The following PSPC1 variants were observed in gnomAD, a reference collection of about 807,000 sequenced individuals.
The protein encoded by PSPC1 is paraspeckle protein 1.
PSPC1 carries 14 observed loss-of-function variants against 51.6 expected under a neutral mutation model. The ratio of observed to expected loss-of-function variants is 0.27; its 90% CI spans 0.18 to 0.42. PSPC1 has a LOEUF of 0.42. Among genes scored for constraint, PSPC1 ranks in the 10% least tolerant of loss-of-function variants. The pLI, the probability that PSPC1 is intolerant of heterozygous loss-of-function variation, is 1.00. For missense variants in PSPC1, 406 were observed against 701.1 expected (o/e 0.58, Z 4.75); for synonymous variants, 193 against 231.9 (o/e 0.83, Z 1.53).
intron 2 of PSPC1, among the ~76,000 whole-genome samples, chr13:19,764,014 A>G (rs898708743): frequency 6.6e-6 from 1 of 152,092 alleles, no homozygotes; most frequent in African/African-American, 2.4e-5. Flanking sequence ...GAAAAAAAGA[A>G]ACTGAAGGTT....
chr13:19,695,289 G>A (rs929263032), intron 6 of PSPC1, among the ~76,000 whole-genome samples: 1 of 152,100 alleles, frequency 6.6e-6, no homozygotes, highest in East Asian at 1.9e-4. Flanking sequence ...TGACTTTAAG[G>A]CCTGTAGCAC....
rs1431861330 is a variant in PSPC1 at position 19,723,571 on chromosome 13, A to T, written c.1158+6668T>A. Among the ~76,000 whole-genome samples, 16 of 152,334 alleles carry T rather than the reference A, an allele frequency of 1.1e-4. No individual in the cohort carries two copies. In the East Asian group the frequency reaches 2.9e-3, roughly 28 times the overall value. ...TCTACGGTTTCCCACACATCATTAG[A>T]TATTATTGAAACTATTAAATAATCT... On this transcript the variant is annotated intron_variant, in intron 6 of 8. Transcript: ENST00000338910.
intron 6 of PSPC1, among the ~76,000 whole-genome samples, chr13:19,724,597 G>C (rs1883137795): frequency 6.7e-6 from 1 of 149,134 alleles, no homozygotes; most frequent in South Asian, 2.1e-4. Context: ...GCTCACACCT[G>C]TAATCCCAAC....
intron 6 of PSPC1, among the ~76,000 whole-genome samples, chr13:19,697,212 T>C (rs1051347836): frequency 4.6e-5 from 7 of 152,108 alleles, no homozygotes; most frequent in Non-Finnish European, 7.4e-5. Flanking sequence ...TTACTAGAAA[T>C]GAACGTTCTT....
intron 1 of PSPC1, among the ~76,000 whole-genome samples, chr13:19,781,439 A>G (rs1480518154): frequency 6.6e-6 from 1 of 152,166 alleles, no homozygotes; most frequent in Admixed American, 6.5e-5. Flanking sequence ...CAAAGTTTAG[A>G]TTAAAAGAGA....
At chr13:19,720,144 A>T (rs1190194304) in intron 6 of PSPC1, among the ~76,000 whole-genome samples, 1 of 152,220 alleles carries the variant, frequency 6.6e-6, no homozygotes, top group Non-Finnish European at 1.5e-5. Context: ...TCCTAAAAAA[A>T]ACAATGAGCA....
In PSPC1 at chr13:19,691,377, T is replaced by A. The variant is rs189550713; in HGVS notation, c.1159-13554A>T. On this transcript the variant is annotated intron_variant and NMD_transcript_variant, in intron 6 of 7. Transcript: ENST00000471658. ...GACCCTGTTTCTATAACTTTTTTTT[T>A]AAAAAGTAGCTAGGCATGGTGGCAT... Among the ~76,000 whole-genome samples, 1,066 of 151,782 alleles carry A rather than the reference T, an allele frequency of 7.0e-3. 4 individuals are homozygous for A. The highest frequency in any genetic ancestry group is 0.01 in the Middle Eastern group (3 of 294).
At position 19,772,593 on chromosome 13, in the gene PSPC1, T is replaced by C. The variant is rs1417272323; in HGVS notation, c.373-50A>G. 3.3e-6 allele frequency: 5 copies of C among 1,525,712 alleles called. No homozygotes were observed. In the South Asian group the frequency reaches 5.1e-5, roughly 16 times the overall value. 94.5% of individuals were successfully genotyped at this position (1,525,712 alleles called of 1,614,324 possible). The stretch of plus-strand genomic sequence containing the variant: ...TAAAAGATGACAGTAACAGAAAAAA[T>C]TCAAAACAGTGTTTGGCTTCTAGGG... On this transcript the variant is annotated intron_variant, in intron 1 of 8. Transcript: ENST00000338910.
intron 2 of PSPC1, among the ~76,000 whole-genome samples, chr13:19,763,675 GCA>G (rs1436926234): frequency 6.6e-6 from 1 of 152,160 alleles, no homozygotes; most frequent in Non-Finnish European, 1.5e-5. Context: ...AGGGCACTTA[GCA>G]CAGTTCTTGG....
chr13:19,743,790 T>G (rs1421990573), intron 4 of PSPC1, among the ~76,000 whole-genome samples: 1 of 152,154 alleles, frequency 6.6e-6, no homozygotes, highest in African/African-American at 2.4e-5. Context: ...ATTCTCAACC[T>G]TAAATACTCA....
At position 19,782,706 on chromosome 13, in the gene PSPC1, G is replaced by C. The variant is rs756884975; in HGVS notation, c.52C>G (p.Arg18Gly). 12 of 1,570,772 alleles carry C rather than the reference G, an allele frequency of 7.6e-6. No individual in the cohort carries two copies. The highest frequency in any genetic ancestry group is 1.0e-5 in the Non-Finnish European group (12 of 1,168,806). ...ACCGCGGACTCCAGGGCGCGAAGGC[G>C]GGCCGGGTTTTTCTCAATGCGCACT... Reference protein sequence around the residue: ...KQVRIEKNPARLRALESAVGE... With the variant: ...KQVRIEKNPAGLRALESAVGE... Residue 18 changes from arginine to glycine, a missense_variant, in exon 1 of 9, where the codon CGC becomes GGC. Arg to Gly is a moderately radical substitution (Grantham distance 125, BLOSUM62 -2). This residue lies in a region of PSPC1 where 128 missense variants were observed against 107.1 expected (regional missense o/e 1.20). Transcript: ENST00000338910. The surrounding 1 kb of genome is among the most constrained non-coding windows in gnomAD (Gnocchi z 4.5).
At chr13:19,777,118 TAAAAA>T (rs34432573) in intron 1 of PSPC1, among the ~76,000 whole-genome samples, 3 of 87,392 alleles carry the variant, frequency 3.4e-5, no homozygotes, top group South Asian at 4.9e-4. Context: ...AGGCTCCATC[TAAAAA>T]AAAAAAAAAA....
intron 3 of PSPC1, among the ~76,000 whole-genome samples, chr13:19,756,712 G>A (rs1887112204): frequency 6.6e-6 from 1 of 151,932 alleles, no homozygotes; most frequent in South Asian, 2.1e-4. Context: ...TGTTAGGCTG[G>A]TCTCAAACTC....
At chr13:19,756,688 C>T (rs1428616327) in intron 3 of PSPC1, among the ~76,000 whole-genome samples, 2 of 151,718 alleles carry the variant, frequency 1.3e-5, no homozygotes, top group South Asian at 2.1e-4. Flanking sequence ...TTAGTAGAGA[C>T]GGGGGTTTCA....
At chr13:19,704,565 C>A (rs1427462865) in intron 8 of PSPC1, among the ~76,000 whole-genome samples, 24 of 152,386 alleles carry the variant, frequency 1.6e-4, no homozygotes, top group Admixed American at 1.2e-3. Flanking sequence ...CAAAACTAAA[C>A]TGCCTTTTCA....
At chr13:19,746,472 C>A (rs1885996846) in intron 4 of PSPC1, among the ~76,000 whole-genome samples, 1 of 151,794 alleles carries the variant, frequency 6.6e-6, no homozygotes, top group Admixed American at 6.6e-5. Flanking sequence ...CGCCTGTAAT[C>A]CTGACACTTT....
chr13:19,757,075 A>G (rs1212752731), intron 3 of PSPC1, among the ~76,000 whole-genome samples: 1 of 149,658 alleles, frequency 6.7e-6, no homozygotes, highest in Non-Finnish European at 1.5e-5. Flanking sequence ...GGTTGCAGTG[A>G]GCTGAGATCG....
intron 3 of PSPC1, among the ~76,000 whole-genome samples, chr13:19,755,990 A>T (rs1188675125): frequency 6.6e-6 from 1 of 152,028 alleles, no homozygotes; most frequent in Non-Finnish European, 1.5e-5. Context: ...TAATCCCAGC[A>T]CCTTGGGAGG....
chr13:19,754,002 AC>A (rs773971966), intron 3 of PSPC1, among the ~76,000 whole-genome samples: 9 of 151,712 alleles, frequency 5.9e-5, no homozygotes, highest in Non-Finnish European at 7.4e-5. Context: ...GGAAAAAAAA[AC>A]CACTGAAATA....
Sources: allele counts gnomAD v4.1 joint callset (sites outside exome capture counted in the v4.1 genomes callset), GRCh38; gene constraint gnomAD v4.1.1; regional missense constraint gnomAD v4.1.1; non-coding constraint Gnocchi (gnomAD v3.1); transcripts MANE v1.5; gene names NCBI Gene and HGNC (gene_info 2026-07-23, HGNC 2026-07-21).